GPC5: variants seen among roughly 807,000 people sequenced by gnomAD.
GPC5 encodes glypican 5.
GPC5 carries 47 observed loss-of-function variants against 53.9 expected under a neutral mutation model. The ratio of observed to expected loss-of-function variants is 0.87; its 90% CI spans 0.69 to 1.11. GPC5 has a LOEUF of 1.11. Ranked by LOEUF, GPC5 falls within the 50% of genes most tolerant of loss-of-function variation. The pLI, the probability that GPC5 is intolerant of heterozygous loss-of-function variation, is 0.00. For missense variants in GPC5, 748 were observed against 713.1 expected, an observed-to-expected ratio of 1.05 and a Z score of -0.56; for synonymous variants, 286 against 263.3, an observed-to-expected ratio of 1.09 and a Z score of -0.84.
At chr13:92,095,099 C>T (rs1456966865) in intron 6 of GPC5, among the ~76,000 whole-genome samples, 1 of 152,012 alleles carries the variant, frequency 6.6e-6, no homozygotes, top group Non-Finnish European at 1.5e-5. Flanking sequence ...TAATCTATTG[C>T]CTGATGCAAT....
At chr13:92,061,342 C>G (rs2041121973) in intron 6 of GPC5, among the ~76,000 whole-genome samples, 1 of 151,948 alleles carries the variant, frequency 6.6e-6, no homozygotes, top group African/African-American at 2.4e-5. Flanking sequence ...ATCAGGTGTG[C>G]TATGCTATTA....
rs183790054 is a variant in GPC5, at chr13:92,221,395, C to T, written c.1561+76406C>T. Among the ~76,000 whole-genome samples, 371 of 152,228 alleles carry T rather than the reference C, an allele frequency of 2.4e-3. 2 individuals are homozygous for T. Among genetic ancestry groups the T allele is most frequent in the Non-Finnish European group, 4.2e-3 (285 of 68,012 alleles). ...TATAAAGCTGAATAAAATAAGCCCT[C>T]TCTCTTCTCAGCAATCATAGTGTTG... is the stretch of plus-strand genomic sequence containing the variant. On this transcript the variant is annotated intron_variant, in intron 7 of 7. Coordinates refer to ENST00000377067, the MANE Select transcript of GPC5 (RefSeq NM_004466.6).
Position 92,377,170 on chromosome 13 carries a change from T to G in GPC5, c.1561+232181T>G, listed in dbSNP as rs35351158. ...GGGAATGAATCACTCAATGCTACCA[T>G]CATATTTTGCCTACGCTTGCAGTGC... On this transcript the variant is annotated intron_variant, in intron 7 of 7. Transcript: ENST00000377067. 9.1e-3 allele frequency among the ~76,000 whole-genome samples: 1,393 copies of G among 152,296 alleles called. 21 individuals carry two copies. Among genetic ancestry groups the G allele is most frequent in the Middle Eastern group, 0.048 (14 of 294 alleles).
chr13:91,919,984 C>T (rs148552284), intron 6 of GPC5, among the ~76,000 whole-genome samples: 2 of 152,256 alleles, frequency 1.3e-5, no homozygotes, highest in East Asian at 3.9e-4. Context: ...GAAGGTAACT[C>T]CCCATCTATG....
chr13:91,618,957 T>C (rs2033776025), intron 2 of GPC5, among the ~76,000 whole-genome samples: 1 of 152,086 alleles, frequency 6.6e-6, no homozygotes, highest in African/African-American at 2.4e-5. Flanking sequence ...TTATACACTA[T>C]TTATACTACT....
intron 7 of GPC5, among the ~76,000 whole-genome samples, chr13:92,360,726 A>AC (rs1350615329): frequency 1.3e-5 from 2 of 151,662 alleles, no homozygotes; most frequent in Non-Finnish European, 2.9e-5. Flanking sequence ...TATCTAGAAA[A>AC]CCCCATAGTC....
chr13:92,660,381 A>G (rs555880185), intron 7 of GPC5, among the ~76,000 whole-genome samples: 62 of 152,056 alleles, frequency 4.1e-4, no homozygotes, highest in African/African-American at 1.3e-3. Flanking sequence ...ACACATAGGC[A>G]CATCATTTCT....
chr13:92,736,832 T>C (rs534312852), intron 7 of GPC5, among the ~76,000 whole-genome samples: 1 of 152,030 alleles, frequency 6.6e-6, no homozygotes, highest in African/African-American at 2.4e-5. Flanking sequence ...GAGCTTATTA[T>C]TAATATATGC....
chr13:91,494,337 ATTATTATTATTT>A (rs1484889615), intron 2 of GPC5, among the ~76,000 whole-genome samples: 1 of 112,534 alleles, frequency 8.9e-6, no homozygotes, highest in South Asian at 3.0e-4. Flanking sequence ...CATTATTATT[ATTATTATTATTT>A]TTATTAATTA....
intron 7 of GPC5, among the ~76,000 whole-genome samples, chr13:92,529,618 C>T (rs1388697172): frequency 6.6e-6 from 1 of 152,104 alleles, no homozygotes. Flanking sequence ...CCACTCCAAC[C>T]TCCAGAATTC....
intron 7 of GPC5, among the ~76,000 whole-genome samples, chr13:92,330,832 C>A (rs116441029): frequency 6.0e-4 from 91 of 152,208 alleles, no homozygotes; most frequent in African/African-American, 2.1e-3. Flanking sequence ...CCGAGGTCAA[C>A]AATGGCTGAC....
intron 7 of GPC5, among the ~76,000 whole-genome samples, chr13:92,425,272 A>G (rs7994645): frequency 1.3e-3 from 198 of 152,230 alleles, no homozygotes; most frequent in African/African-American, 4.5e-3. Context: ...TAAGTTAAAT[A>G]CAAATGTAAA....
At chr13:91,512,067 T>C (rs1885256380) in intron 2 of GPC5, among the ~76,000 whole-genome samples, 1 of 152,210 alleles carries the variant, frequency 6.6e-6, no homozygotes, top group African/African-American at 2.4e-5. Context: ...GTTAGTTAGA[T>C]GGAAATCACC....
chr13:92,752,415 G>A (rs1889429383), intron 7 of GPC5, among the ~76,000 whole-genome samples: 1 of 152,184 alleles, frequency 6.6e-6, no homozygotes, highest in South Asian at 2.1e-4. Flanking sequence ...AATAGTAATT[G>A]CACTAAGTTG....
chr13:92,805,161 C>T (rs1227136379), intron 7 of GPC5, among the ~76,000 whole-genome samples: 2 of 152,108 alleles, frequency 1.3e-5, no homozygotes, highest in East Asian at 1.9e-4. Flanking sequence ...GAATCACAAA[C>T]GTTATTAATA....
rs537922502 is a variant in GPC5, at chr13:92,345,735, C to T, written c.1561+200746C>T. On this transcript the variant is annotated intron_variant, in intron 7 of 7. Coordinates refer to ENST00000377067, the MANE Select transcript of GPC5 (RefSeq NM_004466.6). ...ACATTGGGGGAAAGAAAACTGGAGG[C>T]ATCCAATCTTCCCTAGCATTCTGAG... Among the ~76,000 whole-genome samples, 6 of 152,252 alleles carry T rather than the reference C, an allele frequency of 3.9e-5. No individual in the cohort carries two copies. In the East Asian group the frequency reaches 1.2e-3, roughly 29 times the overall value.
intron 7 of GPC5, among the ~76,000 whole-genome samples, chr13:92,593,310 G>T (rs543768931): frequency 6.6e-6 from 1 of 151,344 alleles, no homozygotes; most frequent in South Asian, 2.1e-4. Flanking sequence ...TACACATTTT[G>T]AAGGCAGGGA....
intron 6 of GPC5, among the ~76,000 whole-genome samples, chr13:92,111,737 A>T (rs2041558705): frequency 6.6e-6 from 1 of 152,204 alleles, no homozygotes; most frequent in African/African-American, 2.4e-5. Context: ...GTAAAAAACT[A>T]GCAAATTTTC....
intron 7 of GPC5, among the ~76,000 whole-genome samples, chr13:92,394,762 G>T (rs1403150430): frequency 6.6e-6 from 1 of 152,144 alleles, no homozygotes; most frequent in East Asian, 1.9e-4. Flanking sequence ...TATGTATATA[G>T]TTCTTTAAGA....
Sources: gnomAD v4.1 joint callset for allele counts (sites outside exome capture counted in the v4.1 genomes callset) on GRCh38, gnomAD v4.1.1 for gene constraint, MANE v1.5 for transcripts, NCBI Gene and HGNC (gene_info 2026-07-23, HGNC 2026-07-21) for gene names.